Variants in FOXP1 observed in about 807,000 individuals in gnomAD.
FOXP1 encodes the protein forkhead box P1, also known as forkhead box protein P1.
Under a neutral mutation model 98.2 loss-of-function variants are expected in FOXP1, and 15 were observed. That is an observed-to-expected ratio of 0.15 (90% CI 0.10 to 0.24). The LOEUF is 0.24. Among genes scored for constraint, FOXP1 ranks in the 10% least tolerant of loss-of-function variants. The pLI, the probability that FOXP1 is intolerant of heterozygous loss-of-function variation, is 1.00. For missense variants in FOXP1, 633 were observed against 848.5 expected (o/e 0.75, Z 3.15); for synonymous variants, 371 against 314.5 (o/e 1.18, Z -1.90).
chr3:71,064,301 G>A (rs2052029859), intron 7 of FOXP1, among the ~76,000 whole-genome samples: 1 of 152,256 alleles, frequency 6.6e-6, no homozygotes, highest in East Asian at 1.9e-4. Context: ...ATCCACATGG[G>A]TTACACTGAG....
At chr3:71,372,769 T>C (rs2079435944) in intron 3 of FOXP1, among the ~76,000 whole-genome samples, 1 of 152,206 alleles carries the variant, frequency 6.6e-6, no homozygotes, top group Admixed American at 6.5e-5. Context: ...TAACAAGTTA[T>C]AAATGCCAGA....
intron 6 of FOXP1, among the ~76,000 whole-genome samples, chr3:71,159,162 C>T (rs1049654543): frequency 1.4e-5 from 2 of 141,118 alleles, no homozygotes; most frequent in Admixed American, 7.0e-5. Flanking sequence ...AGAAAAACAA[C>T]GCATGAAAAT....
At chr3:71,265,339 T>C (rs574148049) in intron 5 of FOXP1, among the ~76,000 whole-genome samples, 1 of 152,270 alleles carries the variant, frequency 6.6e-6, no homozygotes, top group South Asian at 2.1e-4. Flanking sequence ...GAAGGGATCA[T>C]TTTGCCCCTG....
chr3:71,486,491 A>C (rs903969324), intron 3 of FOXP1, among the ~76,000 whole-genome samples: 1 of 152,182 alleles, frequency 6.6e-6, no homozygotes, highest in African/African-American at 2.4e-5. Flanking sequence ...TGTCACCCTT[A>C]ATCAAAGTCA....
intron 13 of FOXP1, among the ~76,000 whole-genome samples, chr3:70,996,399 G>A (rs1241957706): frequency 6.6e-6 from 1 of 152,194 alleles, no homozygotes; most frequent in Non-Finnish European, 1.5e-5. Flanking sequence ...CCAGCTTCCT[G>A]AAATCTCACC....
Position 70,955,216 on chromosome 3 carries a change from T to C in FOXP1, c.*4031A>G, listed in dbSNP as rs1174372635. On this transcript the variant is annotated 3_prime_UTR_variant, in exon 21 of 21. Transcript: ENST00000649528. ...AAAGAGAGGAAATATTTTTTAACTC[T>C]ATTTTTTTTCATGAGGAAAAAAAAG... 1 of 232,578 alleles carries C rather than the reference T, an allele frequency of 4.3e-6. No homozygotes were observed. The highest frequency in any genetic ancestry group is 2.2e-5 in the African/African-American group (1 of 45,316). The allele number at this position is 232,578 out of a possible 1,614,324, so 14.4% of individuals were successfully genotyped here.
At position 71,160,673 on chromosome 3, in the gene FOXP1, T is replaced by C. The variant is rs138256804; in HGVS notation, c.180+37529A>G. ...ACATTTCAGGTGCTCCATAGCTACA[T>C]TGGCTAGTGGTTACCTCATGGGACT... On this transcript the variant is annotated intron_variant, in intron 6 of 20. Coordinates refer to ENST00000649528, the MANE Select transcript of FOXP1 (RefSeq NM_001349338.3). 7.5e-4 allele frequency among the ~76,000 whole-genome samples: 114 copies of C among 152,320 alleles called. 1 individual carries two copies. Among genetic ancestry groups the C allele is most frequent in the African/African-American group, 2.4e-3 (99 of 41,572 alleles).
chr3:70,960,105 G>A (rs954570068), intron 20 of FOXP1, among the ~76,000 whole-genome samples: 3 of 152,148 alleles, frequency 2.0e-5, no homozygotes, highest in Non-Finnish European at 4.4e-5. Context: ...CCCCAAGCGA[G>A]GTTCTATCAT....
chr3:71,312,018 A>AG (rs1408170329), intron 4 of FOXP1, among the ~76,000 whole-genome samples: 1 of 152,216 alleles, frequency 6.6e-6, no homozygotes, highest in African/African-American at 2.4e-5. Flanking sequence ...ATTTAAAACC[A>AG]GGCGGGGCCC....
chr3:71,068,827 G>C (rs146497561), intron 7 of FOXP1, among the ~76,000 whole-genome samples: 1 of 152,136 alleles, frequency 6.6e-6, no homozygotes, highest in African/African-American at 2.4e-5. Context: ...TCAGGAAAGC[G>C]CGCCTCCCCA....
intron 6 of FOXP1, among the ~76,000 whole-genome samples, chr3:71,119,817 G>A (rs543830741): frequency 6.4e-4 from 97 of 152,188 alleles, no homozygotes; most frequent in Middle Eastern, 3.4e-3. Flanking sequence ...GAAAAAGAAA[G>A]AAATGACAGT....
chr3:70,999,367 C>A (rs1322036091), intron 13 of FOXP1, among the ~76,000 whole-genome samples: 1 of 152,170 alleles, frequency 6.6e-6, no homozygotes, highest in East Asian at 1.9e-4. Context: ...TGATTATAGG[C>A]CAGATCTTCC....
intron 2 of FOXP1, among the ~76,000 whole-genome samples, chr3:71,516,295 C>T (rs2042575373): frequency 1.3e-5 from 2 of 151,992 alleles, no homozygotes; most frequent in Admixed American, 6.6e-5. Flanking sequence ...TGTGTGTGTG[C>T]ACACGTGTGT....
intron 11 of FOXP1, 32 bp downstream of exon 11, chr3:71,041,296 G>A (rs897046597): frequency 6.3e-7 from 1 of 1,596,638 alleles, no homozygotes; most frequent in Non-Finnish European, 8.6e-7. Flanking sequence ...GTTAAAGGCA[G>A]TTTTGGACCC....
At chr3:71,528,828 G>A (rs1342018769) in intron 2 of FOXP1, among the ~76,000 whole-genome samples, 1 of 152,202 alleles carries the variant, frequency 6.6e-6, no homozygotes, top group African/African-American at 2.4e-5. Context: ...CCTGAAGGTG[G>A]GGGTTAGGTA....
chr3:71,476,551 C>G (rs957413270), intron 3 of FOXP1, among the ~76,000 whole-genome samples: 1 of 151,932 alleles, frequency 6.6e-6, no homozygotes, highest in Non-Finnish European at 1.5e-5. Context: ...ATTGCAATGG[C>G]GCGATCTCAG....
chr3:71,045,929 A>G (rs2048970105), intron 10 of FOXP1, among the ~76,000 whole-genome samples: 1 of 152,216 alleles, frequency 6.6e-6, no homozygotes, highest in Non-Finnish European at 1.5e-5. Flanking sequence ...TTTAAGGTAC[A>G]TATAAACCAA....
chr3:71,397,934 G>A (rs2081656333), intron 3 of FOXP1, among the ~76,000 whole-genome samples: 1 of 152,126 alleles, frequency 6.6e-6, no homozygotes, highest in African/African-American at 2.4e-5. Flanking sequence ...GGTAGAGACA[G>A]GGAAAGAAGG....
At chr3:71,409,739 C>T (rs543320699) in intron 3 of FOXP1, among the ~76,000 whole-genome samples, 44 of 152,284 alleles carry the variant, frequency 2.9e-4, no homozygotes, top group South Asian at 6.2e-4. Context: ...AGTTCCTCTC[C>T]TTAAAAACAG....
Sources: gnomAD v4.1 joint callset for allele counts (sites outside exome capture counted in the v4.1 genomes callset) on GRCh38, gnomAD v4.1.1 for gene constraint, MANE v1.5 for transcripts, NCBI Gene and HGNC (gene_info 2026-07-23, HGNC 2026-07-21) for gene names.